KRIT1: variants seen among roughly 807,000 people sequenced by gnomAD.
KRIT1 encodes KRIT1 ankyrin repeat containing.
KRIT1 carries 45 observed loss-of-function variants against 95.8 expected under a neutral mutation model. The observed-to-expected ratio is 0.47, with a 90% CI of 0.37 to 0.60. KRIT1 has a LOEUF of 0.60. KRIT1 is among the 20% of genes least tolerant of loss of function. KRIT1 has a pLI of 0.00. For missense variants in KRIT1, 788 were observed against 877.5 expected (o/e 0.90, Z 1.29); for synonymous variants, 282 against 278.8 (o/e 1.01, Z -0.11).
rs117947807 is a variant in KRIT1, at chr7:92,240,223, T to C, written c.262+770A>G. Among the ~76,000 whole-genome samples, 1,027 of 152,234 alleles carry C rather than the reference T, an allele frequency of 6.7e-3. 10 individuals are homozygous for C. The highest frequency in any genetic ancestry group is 0.032 in the South Asian group (155 of 4,818). Reference sequence around the variant, plus strand: ...TAACTAATAAATCAAACCACAGTATTTGGCTGTATCTCTGCAACAAAAACC... The same window carrying C: ...TAACTAATAAATCAAACCACAGTATCTGGCTGTATCTCTGCAACAAAAACC... On this transcript the variant is annotated intron_variant, in intron 5 of 18. Transcript: ENST00000394505.
Position 92,244,157 on chromosome 7 carries a change from C to A in KRIT1, c.-150-8G>T, listed in dbSNP as rs868410860. ...AGACAGACGCATTGAAGACTGCAAG[C>A]CCCAAAAAGAAAGACATTGTATTGT... On this transcript the variant is annotated splice_polypyrimidine_tract_variant and splice_region_variant and intron_variant, in intron 2 of 18. Coordinates refer to ENST00000394505, the MANE Select transcript of KRIT1 (RefSeq NM_194454.3). 57 of 152,216 alleles carry A rather than the reference C, an allele frequency of 3.7e-4. No individual in the cohort carries two copies. Among genetic ancestry groups the A allele is most frequent in the African/African-American group, 1.2e-3 (50 of 41,516 alleles). The allele number at this position is 152,216 out of a possible 1,614,324, so 9.4% of individuals were successfully genotyped here. A position where few individuals can be genotyped will look rare whatever the true frequency, so the allele number is the denominator to read the frequency against.
intron 14 of KRIT1, among the ~76,000 whole-genome samples, chr7:92,219,486 T>C (rs1440756141): frequency 6.6e-6 from 1 of 152,244 alleles, no homozygotes. Context: ...TCAATTCTAT[T>C]CCATTGGTCT....
chr7:92,214,274 T>C (rs1793481012), intron 15 of KRIT1, among the ~76,000 whole-genome samples: 1 of 152,086 alleles, frequency 6.6e-6, no homozygotes, highest in African/African-American at 2.4e-5. Context: ...AGACTGAACA[T>C]AAAACTAGTT....
chr7:92,223,684 A>G (rs1188837293), intron 12 of KRIT1, among the ~76,000 whole-genome samples: 2 of 152,202 alleles, frequency 1.3e-5, no homozygotes, highest in East Asian at 1.9e-4. Context: ...AGTGGGTCAC[A>G]TATAATACAA....
chr7:92,200,594 C>A lies in KRIT1; in HGVS notation c.*142G>T. ...TCTTGAACTCTGACTTCAGGTGATCCGCCTGCCCCAGCCTCCCAAAGTGCT... is the reference window on the plus strand; with the variant it reads ...TCTTGAACTCTGACTTCAGGTGATCAGCCTGCCCCAGCCTCCCAAAGTGCT... On this transcript the variant is annotated 3_prime_UTR_variant, in exon 19 of 19. Coordinates refer to ENST00000394505, the MANE Select transcript of KRIT1 (RefSeq NM_194454.3). 1 of 682,274 alleles carries A rather than the reference C, an allele frequency of 1.5e-6. No individual in the cohort carries two copies. The allele number at this position is 682,274 out of a possible 1,614,324, so 42.3% of individuals were successfully genotyped here.
chr7:92,214,962 A>G (rs1793650107), intron 14 of KRIT1, among the ~76,000 whole-genome samples, 185 bp from the exon 15 acceptor site: 1 of 152,182 alleles, frequency 6.6e-6, no homozygotes, highest in East Asian at 1.9e-4. Flanking sequence ...TGTAAGCTAT[A>G]TAATCGCTGT....
At chr7:92,233,261 C>A (rs897423001) in intron 10 of KRIT1, among the ~76,000 whole-genome samples, 1 of 151,662 alleles carries the variant, frequency 6.6e-6, no homozygotes, top group African/African-American at 2.4e-5. Context: ...AAAAGAATTT[C>A]GAGTTGGAAG....
chr7:92,226,454 T>G (rs915065873), intron 11 of KRIT1, 72 bp downstream of exon 11: 35 of 1,142,218 alleles, frequency 3.1e-5, no homozygotes, highest in Middle Eastern at 4.1e-4. Flanking sequence ...AACATACAAT[T>G]TAACATTTTA....
chr7:92,225,136 G>C (rs1206863768), intron 12 of KRIT1, among the ~76,000 whole-genome samples: 1 of 151,964 alleles, frequency 6.6e-6, no homozygotes, highest in Admixed American at 6.6e-5. Context: ...CTGGGTGACA[G>C]AGCGAGACTC....
chr7:92,231,880 T>C (rs926830790), intron 10 of KRIT1, among the ~76,000 whole-genome samples: 5 of 152,210 alleles, frequency 3.3e-5, no homozygotes, highest in Admixed American at 3.3e-4. Context: ...TATTACAGAT[T>C]AATAAATTTT....
intron 14 of KRIT1, among the ~76,000 whole-genome samples, chr7:92,220,627 A>G (rs1210740414): frequency 6.6e-6 from 1 of 151,666 alleles, no homozygotes; most frequent in Non-Finnish European, 1.5e-5. Flanking sequence ...CAATTTCACC[A>G]TATTTAGATT....
At chr7:92,209,960 C>T (rs946848521) in intron 17 of KRIT1, among the ~76,000 whole-genome samples, 3 of 152,002 alleles carry the variant, frequency 2.0e-5, no homozygotes, top group African/African-American at 2.4e-5. Context: ...GTAATCCCAG[C>T]TACTTGGGAG....
intron 13 of KRIT1, 119 bp from the exon 14 acceptor site, chr7:92,222,172 A>G: frequency 1.3e-6 from 1 of 744,994 alleles, no homozygotes. Flanking sequence ...TTAAATTTAA[A>G]TCTAAAATTA....
At chr7:92,221,179 T>C (rs1420999143) in intron 14 of KRIT1, among the ~76,000 whole-genome samples, 1 of 152,050 alleles carries the variant, frequency 6.6e-6, no homozygotes, top group African/African-American at 2.4e-5. Context: ...CTCACGCTTG[T>C]AATCCCAGCC....
At chr7:92,238,228 T>C (rs571551259) in intron 5 of KRIT1, among the ~76,000 whole-genome samples, 1 of 152,304 alleles carries the variant, frequency 6.6e-6, no homozygotes, top group South Asian at 2.1e-4. Context: ...CAAACTATTG[T>C]TCTAAATTGT....
Position 92,245,169 on chromosome 7 carries a change from A to G in KRIT1, c.-418T>C, listed in dbSNP as rs1397612847. ...TGTAGAAAAAGCGATGAAAGCCAAA[A>G]ACCTTAAAAGGTGGAGAAAAGTGTA... is the stretch of plus-strand genomic sequence containing the variant. On this transcript the variant is annotated splice_region_variant and 5_prime_UTR_variant, in exon 2 of 19. Coordinates refer to ENST00000394505, the MANE Select transcript of KRIT1 (RefSeq NM_194454.3). 1 of 152,076 alleles carries G rather than the reference A, an allele frequency of 6.6e-6. No homozygotes were observed. Among genetic ancestry groups the G allele is most frequent in the African/African-American group, 2.4e-5 (1 of 41,382 alleles). The allele number at this position is 152,076 out of a possible 1,614,324, so 9.4% of individuals were successfully genotyped here.
chr7:92,228,016 G>A (rs1796551661), intron 10 of KRIT1, among the ~76,000 whole-genome samples: 1 of 151,910 alleles, frequency 6.6e-6, no homozygotes, highest in African/African-American at 2.4e-5. Context: ...CCGTCTCAGT[G>A]GGGGTTGCGG....
intron 12 of KRIT1, among the ~76,000 whole-genome samples, chr7:92,224,683 T>C (rs189112587): frequency 6.6e-6 from 1 of 152,264 alleles, no homozygotes; most frequent in Non-Finnish European, 1.5e-5. Flanking sequence ...AAAGGCCAGG[T>C]TGAGTTAGCA....
chr7:92,206,707 T>C (rs1399492512), intron 17 of KRIT1: 3 of 151,860 alleles, frequency 2.0e-5, no homozygotes, highest in Non-Finnish European at 2.9e-5. Flanking sequence ...AAAACAATAA[T>C]TCTTCAGTAA....
Sources: gnomAD v4.1 joint callset for allele counts (sites outside exome capture counted in the v4.1 genomes callset) on GRCh38, gnomAD v4.1.1 for gene constraint, MANE v1.5 for transcripts, NCBI Gene and HGNC (gene_info 2026-07-23, HGNC 2026-07-21) for gene names.